The following DOCK3 variants were observed in gnomAD, a reference collection of about 807,000 sequenced individuals.
The protein encoded by DOCK3 is dedicator of cytokinesis 3.
In DOCK3, 60 loss-of-function variants were observed where a neutral mutation model predicts 265.6. The observed-to-expected ratio is 0.23, with a 90% CI of 0.18 to 0.28. The LOEUF (loss-of-function observed/expected upper bound fraction) is 0.28, where lower values mean the gene tolerates loss of function less well. DOCK3 is among the 10% of genes least tolerant of loss of function. DOCK3 has a pLI of 1.00. For missense variants in DOCK3, 1,981 were observed against 2,594.3 expected, an observed-to-expected ratio of 0.76 and a Z score of 5.14; for synonymous variants, 881 against 938.0, an observed-to-expected ratio of 0.94 and a Z score of 1.11.
rs920222292 is a variant in DOCK3, at chr3:50,840,346, G to A, written c.122-1329G>A. ...TGTGTTGTTGGAGTTTTATAGTTTT[G>A]CATTTTATGTTAAGGTCTACGATCC... On this transcript the variant is annotated intron_variant, in intron 2 of 52. Transcript: ENST00000266037. 4.2e-4 allele frequency among the ~76,000 whole-genome samples: 64 copies of A among 152,128 alleles called. 3 individuals carry two copies. The highest frequency in any genetic ancestry group is 1.5e-5 in the Non-Finnish European group (1 of 68,018).
At chr3:50,876,290 C>G (rs1382079132) in intron 3 of DOCK3, among the ~76,000 whole-genome samples, 1 of 151,968 alleles carries the variant, frequency 6.6e-6, no homozygotes, top group Non-Finnish European at 1.5e-5. Flanking sequence ...TCACTAAAAC[C>G]AGAGCAATAA....
intron 1 of DOCK3, among the ~76,000 whole-genome samples, chr3:50,704,924 C>T (rs567416146): frequency 6.6e-6 from 1 of 152,008 alleles, no homozygotes; most frequent in South Asian, 2.1e-4. Flanking sequence ...TCACCACGCC[C>T]GGCCTCTATA....
intron 51 of DOCK3, among the ~76,000 whole-genome samples, chr3:51,377,583 C>A (rs1364153187): frequency 6.6e-6 from 1 of 152,240 alleles, no homozygotes. Flanking sequence ...GATCACCCTT[C>A]TTTTCCTAGG....
At chr3:51,085,926 GA>G (rs1307170833) in intron 7 of DOCK3, among the ~76,000 whole-genome samples, 3 of 152,086 alleles carry the variant, frequency 2.0e-5, no homozygotes, top group Admixed American at 6.6e-5. Flanking sequence ...GACTAATCGA[GA>G]AAAAAGAAGG....
At chr3:51,225,855 C>T in intron 15 of DOCK3, 82 bp downstream of exon 15, 4 of 1,477,206 alleles carry the variant, frequency 2.7e-6, no homozygotes, top group East Asian at 2.4e-5. Flanking sequence ...GGCCCATTCT[C>T]TTCAAGCAGG....
chr3:50,897,482 T>C (rs904455564), intron 4 of DOCK3, among the ~76,000 whole-genome samples: 9 of 152,150 alleles, frequency 5.9e-5, no homozygotes, highest in Non-Finnish European at 1.3e-4. Context: ...TTTCTTTCTC[T>C]TGCCTGATTG....
chr3:51,128,487 A>G (rs955282022), intron 9 of DOCK3, among the ~76,000 whole-genome samples: 3 of 152,154 alleles, frequency 2.0e-5, no homozygotes, highest in Admixed American at 1.3e-4. Flanking sequence ...CCACTGCCAC[A>G]CTTCTTTAGC....
chr3:50,744,436 ATTT>A (rs36071655), intron 1 of DOCK3, among the ~76,000 whole-genome samples: 8 of 131,814 alleles, frequency 6.1e-5, no homozygotes, highest in Middle Eastern at 3.9e-3. Context: ...TCTTCAGTTA[ATTT>A]TTTTTTTTTT....
At chr3:51,008,099 A>T (rs370760602) in intron 5 of DOCK3, among the ~76,000 whole-genome samples, 3 of 152,208 alleles carry the variant, frequency 2.0e-5, no homozygotes, top group Non-Finnish European at 4.4e-5. Context: ...TGTGTTGGCA[A>T]TGAGGGCTCT....
chr3:51,215,551 A>G (rs1009221930), intron 14 of DOCK3, among the ~76,000 whole-genome samples: 1 of 152,176 alleles, frequency 6.6e-6, no homozygotes, highest in Non-Finnish European at 1.5e-5. Flanking sequence ...GGAGTTCTTC[A>G]TGGTGGTTCA....
At chr3:51,283,611 T>C (rs1321060162) in intron 27 of DOCK3, among the ~76,000 whole-genome samples, 1 of 152,124 alleles carries the variant, frequency 6.6e-6, no homozygotes. Flanking sequence ...AGCAGACAAG[T>C]AGTAGCTTGC....
Position 50,787,562 on chromosome 3 carries a change from C to T in DOCK3, c.121+8804C>T, listed in dbSNP as rs1484292670. Reference sequence around the variant, plus strand: ...AACAAAAAACAACCCTGGGTCACTTCTCACAGGTCACACTTAGCTTTCTGC... The same window carrying T: ...AACAAAAAACAACCCTGGGTCACTTTTCACAGGTCACACTTAGCTTTCTGC... On this transcript the variant is annotated intron_variant, in intron 2 of 52. Coordinates refer to ENST00000266037, the MANE Select transcript of DOCK3 (RefSeq NM_004947.5). 5 of 838,294 alleles carry T rather than the reference C, an allele frequency of 6.0e-6. No homozygotes were observed. The East Asian group carries it at 8.5e-5, about 14-fold the overall frequency. 51.9% of individuals were successfully genotyped at this position (838,294 alleles called of 1,614,324 possible).
intron 9 of DOCK3, among the ~76,000 whole-genome samples, chr3:51,132,719 T>G (rs1021847175): frequency 5.3e-5 from 8 of 152,208 alleles, no homozygotes; most frequent in African/African-American, 1.9e-4. Flanking sequence ...GAAATATGCA[T>G]GCACAGCCTT....
chr3:51,032,567 A>G (rs1477976283), intron 5 of DOCK3, among the ~76,000 whole-genome samples: 1 of 151,818 alleles, frequency 6.6e-6, no homozygotes, highest in Non-Finnish European at 1.5e-5. Flanking sequence ...ATATAAGGAG[A>G]CTTCAAAAAG....
chr3:50,711,660 T>C (rs1318608113), intron 1 of DOCK3, among the ~76,000 whole-genome samples: 2 of 152,204 alleles, frequency 1.3e-5, no homozygotes, highest in Non-Finnish European at 2.9e-5. Flanking sequence ...TGTCTTTGTC[T>C]TGTTCTGATA....
intron 1 of DOCK3, among the ~76,000 whole-genome samples, chr3:50,762,069 A>G (rs2108396469): frequency 6.6e-6 from 1 of 152,228 alleles, no homozygotes; most frequent in East Asian, 1.9e-4. Flanking sequence ...GAACACTTGG[A>G]CACAGGAAGG....
chr3:51,075,252 A>ATCCTCTG (rs1369443475), intron 6 of DOCK3, 104 bp from the exon 7 acceptor site: 1 of 864,350 alleles, frequency 1.2e-6, no homozygotes, highest in Non-Finnish European at 1.8e-6. Flanking sequence ...ACAGTGTCTG[A>ATCCTCTG]TCCTCTGTCC....
At chr3:51,363,505 T>C (rs560827758) in intron 49 of DOCK3, among the ~76,000 whole-genome samples, 9 of 152,396 alleles carry the variant, frequency 5.9e-5, no homozygotes, top group African/African-American at 1.4e-4. Flanking sequence ...TATTTTATTA[T>C]ACTTTAAGTT....
At chr3:50,763,644 C>G (rs1342743086) in intron 1 of DOCK3, among the ~76,000 whole-genome samples, 3 of 152,106 alleles carry the variant, frequency 2.0e-5, no homozygotes, top group Non-Finnish European at 4.4e-5. Context: ...TCCATTTACT[C>G]TAGCTTATGA....
Sources: allele counts gnomAD v4.1 joint callset (sites outside exome capture counted in the v4.1 genomes callset), GRCh38; gene constraint gnomAD v4.1.1; transcripts MANE v1.5; gene names NCBI Gene and HGNC (gene_info 2026-07-23, HGNC 2026-07-21).